The following AIMP2 variants were observed in gnomAD, a reference collection of about 807,000 sequenced individuals.
The protein encoded by AIMP2 is aminoacyl tRNA synthetase complex interacting multifunctional protein 2, also known as aminoacyl tRNA synthase complex-interacting multifunctional protein 2.
A neutral mutation model predicts 23.4 loss-of-function variants in AIMP2; 20 were observed. The observed-to-expected ratio is 0.85, with a 90% CI of 0.60 to 1.24. The LOEUF is 1.24. Ranked by LOEUF, AIMP2 falls within the 50% of genes most tolerant of loss-of-function variation. The pLI is 0.00. For missense variants in AIMP2, 515 were observed against 414.5 expected, an observed-to-expected ratio of 1.24 and a Z score of -2.10; for synonymous variants, 210 against 170.4, an observed-to-expected ratio of 1.23 and a Z score of -1.81.
chr7:6,011,330 G>T (rs535189125), intron 1 of AIMP2, among the ~76,000 whole-genome samples: 1 of 152,208 alleles, frequency 6.6e-6, no homozygotes, highest in Non-Finnish European at 1.5e-5. Flanking sequence ...GCCCAAAGCT[G>T]GTGGGTGTAG....
chr7:6,023,257 T>A (rs1222558557), intron 3 of AIMP2, 46 bp from the exon 4 acceptor site: 1 of 1,540,258 alleles, frequency 6.5e-7, no homozygotes, highest in African/African-American at 1.4e-5. Context: ...AGTACTTCCC[T>A]CAGGGCTGCT....
chr7:6,013,395 G>T (rs1786818945), intron 1 of AIMP2, among the ~76,000 whole-genome samples: 1 of 149,974 alleles, frequency 6.7e-6, no homozygotes, highest in Non-Finnish European at 1.5e-5. Context: ...CTGAATAGCT[G>T]GTATTACAGG....
chr7:6,019,892 C>T lies in AIMP2; in HGVS notation c.574+1847C>T, dbSNP rs189803187. 1.3e-4 allele frequency among the ~76,000 whole-genome samples: 20 copies of T among 150,942 alleles called. No individual in the cohort carries two copies. In the East Asian group the frequency reaches 3.6e-3, roughly 27 times the overall value. ...CAAAAATTAGCTGGGCGTGGTGGTG[C>T]GTGCCTGTAGTCCCAGCTACTTGGA... is the stretch of plus-strand genomic sequence containing the variant. On this transcript the variant is annotated intron_variant, in intron 3 of 3. Coordinates refer to ENST00000223029, the MANE Select transcript of AIMP2 (RefSeq NM_006303.4).
intron 2 of AIMP2, 80 bp downstream of exon 2, chr7:6,015,432 C>A: frequency 6.6e-7 from 1 of 1,504,744 alleles, no homozygotes; most frequent in Non-Finnish European, 9.2e-7. Context: ...TGATTAAAGC[C>A]TTAGCTTTCA....
chr7:6,023,260 G>A, intron 3 of AIMP2, 43 bp from the exon 4 acceptor site: 5 of 1,545,774 alleles, frequency 3.2e-6, no homozygotes, highest in Non-Finnish European at 4.3e-6. Context: ...ACTTCCCTCA[G>A]GGCTGCTCTG....
chr7:6,015,293 G>A lies in AIMP2; in HGVS notation c.283G>A (p.Ala95Thr). ...ADLDVTNIIQ[A>T]DEPTTLTTNA... ...CTTGGATGTAACCAACATAATCCAAGCGGATGAGCCCACGACTTTAACCAC... is the reference window on the plus strand; with the variant it reads ...CTTGGATGTAACCAACATAATCCAAACGGATGAGCCCACGACTTTAACCAC... Residue 95 changes from alanine (A) to threonine (T), a missense_variant, in exon 2 of 4, where the codon GCG becomes ACG. Coordinates refer to ENST00000223029, the MANE Select transcript of AIMP2 (RefSeq NM_006303.4). The A allele has an allele frequency of 6.2e-7, 1 of 1,614,174 alleles. No homozygotes were observed. The highest frequency in any genetic ancestry group is 2.2e-5 in the East Asian group (1 of 44,876).
At chr7:6,011,649 A>G (rs76124438) in intron 1 of AIMP2, among the ~76,000 whole-genome samples, 3,787 of 152,256 alleles carry the variant, frequency 0.025, 87 homozygotes, top group Middle Eastern at 0.13. Context: ...ACCCAATAAC[A>G]CAACTGTTAT....
rs869072507 is a variant in AIMP2, at chr7:6,010,441, GTTTTTTGTTTTT to G, written c.135+958_135+969del. Among the ~76,000 whole-genome samples, 4 of 82,250 alleles carry G rather than the reference GTTTTTTGTTTTT, an allele frequency of 4.9e-5. No individual in the cohort carries two copies. In the East Asian group the frequency reaches 2.8e-3, roughly 57 times the overall value. 54.0% of individuals were successfully genotyped at this position (82,250 alleles called of 152,430 possible). ...ATTTATCCCTAAACAATATAGTCTGGTTTTTTGTTTTTTTTTTTGTTTTTTTCAGATGGAGTC... is the reference window on the plus strand; with the variant it reads ...ATTTATCCCTAAACAATATAGTCTGGTTTTTTGTTTTTTTCAGATGGAGTC... On this transcript the variant is annotated intron_variant, in intron 1 of 3. Transcript: ENST00000223029.
chr7:6,017,699 T>C, intron 2 of AIMP2, 115 bp from the exon 3 acceptor site: 1 of 863,652 alleles, frequency 1.2e-6, no homozygotes, highest in South Asian at 1.7e-5. Context: ...TAGTGCCGTC[T>C]TCATGGAAGT....
At chr7:6,009,974 A>AAAAAAAAAAATAT in intron 1 of AIMP2, among the ~76,000 whole-genome samples, 1 of 26,674 alleles carries the variant, frequency 3.7e-5, no homozygotes, top group African/African-American at 1.4e-4. Flanking sequence ...AAAAAAAAAA[A>AAAAAAAAAAATAT]ATATATATAT....
At chr7:6,020,852 C>T (rs1432320899) in intron 3 of AIMP2, among the ~76,000 whole-genome samples, 3 of 152,222 alleles carry the variant, frequency 2.0e-5, no homozygotes, top group Admixed American at 6.5e-5. Flanking sequence ...GCTAAGCTAA[C>T]TGTCCTGTTT....
At chr7:6,009,570 G>C (rs966885430) in intron 1 of AIMP2, 72 bp downstream of exon 1, 4 of 1,327,212 alleles carry the variant, frequency 3.0e-6, no homozygotes, top group Non-Finnish European at 3.9e-6. Flanking sequence ...CCCCCAGGCC[G>C]GAGCGAGCGC....
chr7:6,017,314 G>T (rs1259679024), intron 2 of AIMP2, among the ~76,000 whole-genome samples: 2 of 151,598 alleles, frequency 1.3e-5, no homozygotes, highest in African/African-American at 4.9e-5. Flanking sequence ...TCAGGAGTTC[G>T]AGAACAGCCT....
In AIMP2 at chr7:6,017,793, ATTGTC is replaced by A; in HGVS notation, c.343-17_343-13del. 7 of 1,602,500 alleles carry A rather than the reference ATTGTC, an allele frequency of 4.4e-6. No homozygotes were observed. Among genetic ancestry groups the A allele is most frequent in the Non-Finnish European group, 6.0e-6 (7 of 1,172,240 alleles). ...ACTCTCCGATGACTGTTATTCGTAC[ATTGTC>A]TTGGTCTTTCCCCAGGATTACGGGG... On this transcript the variant is annotated splice_polypyrimidine_tract_variant and intron_variant, in intron 2 of 3. Coordinates refer to ENST00000223029, the MANE Select transcript of AIMP2 (RefSeq NM_006303.4).
intron 1 of AIMP2, among the ~76,000 whole-genome samples, chr7:6,014,096 A>G (rs1786867448): frequency 6.6e-6 from 1 of 152,064 alleles, no homozygotes; most frequent in South Asian, 2.1e-4. Flanking sequence ...TCTCATTGCT[A>G]CTTATTTAAG....
chr7:6,019,991 C>T (rs1413412763), intron 3 of AIMP2, among the ~76,000 whole-genome samples: 3 of 145,354 alleles, frequency 2.1e-5, no homozygotes, highest in South Asian at 2.2e-4. Flanking sequence ...CACTGCATTC[C>T]AGCCTGGCGA....
chr7:6,015,127 T>G lies in AIMP2; in HGVS notation c.136-19T>G, dbSNP rs946967833. The stretch of plus-strand genomic sequence containing the variant: ...TCTGATGGGAGAGGAAATGAACATT[T>G]GGCTGTTGGTTTGTTTAGGAAGAGT... On this transcript the variant is annotated intron_variant, in intron 1 of 3. Coordinates refer to ENST00000223029, the MANE Select transcript of AIMP2 (RefSeq NM_006303.4). 1.2e-6 allele frequency: 2 copies of G among 1,613,844 alleles called. No individual in the cohort carries two copies. The highest frequency in any genetic ancestry group is 1.7e-6 in the Non-Finnish European group (2 of 1,179,934).
intron 1 of AIMP2, among the ~76,000 whole-genome samples, chr7:6,013,510 C>G (rs1303550627): frequency 6.6e-6 from 1 of 152,092 alleles, no homozygotes. Context: ...ATCTGCCCCT[C>G]TCGGCCTCCC....
Position 6,009,333 on chromosome 7 carries a change from A to G in AIMP2, c.-31A>G. ...CGGTTTCTGAGCGTTGGCCTTTGGC[A>G]CGCGCTACCCCCTTTTGCTTTGGTT... is the stretch of plus-strand genomic sequence containing the variant. On this transcript the variant is annotated 5_prime_UTR_variant, in exon 1 of 4. Coordinates refer to ENST00000223029, the MANE Select transcript of AIMP2 (RefSeq NM_006303.4). 1 of 1,611,596 alleles carries G rather than the reference A, an allele frequency of 6.2e-7. No homozygotes were observed. The highest frequency in any genetic ancestry group is 8.5e-7 in the Non-Finnish European group (1 of 1,179,972).
Sources: allele counts gnomAD v4.1 joint callset (sites outside exome capture counted in the v4.1 genomes callset), GRCh38; gene constraint gnomAD v4.1.1; transcripts MANE v1.5; gene names NCBI Gene and HGNC (gene_info 2026-07-23, HGNC 2026-07-21).